GRID2: variants seen among roughly 807,000 people sequenced by gnomAD.
GRID2 encodes glutamate ionotropic receptor delta type subunit 2, also known as glutamate receptor ionotropic, delta-2.
A neutral mutation model predicts 114.8 loss-of-function variants in GRID2; 33 were observed. The observed-to-expected ratio is 0.29, with a 90% CI of 0.22 to 0.38. The LOEUF is 0.38. GRID2 is among the 10% of genes least tolerant of loss of function. GRID2 has a pLI of 1.00. For synonymous variants in GRID2, 505 were observed against 449.9 expected (o/e 1.12, Z -1.55); for missense variants, 1,184 against 1,257.7 (o/e 0.94, Z 0.89).
chr4:93,341,388 A>G lies in GRID2; in HGVS notation c.1246-54219A>G, dbSNP rs990374912. Among the ~76,000 whole-genome samples, 3 of 151,846 alleles carry G rather than the reference A, an allele frequency of 2.0e-5. No individual in the cohort carries two copies. The East Asian group carries it at 5.8e-4, about 30-fold the overall frequency. On this transcript the variant is annotated intron_variant, in intron 8 of 15. Coordinates refer to ENST00000282020, the MANE Select transcript of GRID2 (RefSeq NM_001510.4). ...CACCCAGGCTGGAGCGCAGTGGTGC[A>G]ATTTTGGCTCCCTGCAACCTCCACC...
chr4:93,075,883 CTTTTTTTTTTTTTTT>C (rs10706922), intron 2 of GRID2, among the ~76,000 whole-genome samples: 64 of 76,596 alleles, frequency 8.4e-4, no homozygotes, highest in African/African-American at 2.6e-3. Flanking sequence ...AGTTACCTCT[CTTTTTTTTTTTTTTT>C]TTTTTTTTTT....
chr4:93,178,360 A>G (rs1215263993), intron 4 of GRID2, among the ~76,000 whole-genome samples: 1 of 59,530 alleles, frequency 1.7e-5, no homozygotes, highest in Non-Finnish European at 3.9e-5. Flanking sequence ...TAGTGCTTAT[A>G]TTGTTTTCCT....
At chr4:92,956,876 T>G (rs1752443544) in intron 2 of GRID2, among the ~76,000 whole-genome samples, 1 of 152,180 alleles carries the variant, frequency 6.6e-6, no homozygotes, top group Non-Finnish European at 1.5e-5. Flanking sequence ...ATCTAATTGT[T>G]GTTTTAATTT....
At chr4:92,750,808 A>G (rs1365238902) in intron 2 of GRID2, among the ~76,000 whole-genome samples, 1 of 152,238 alleles carries the variant, frequency 6.6e-6, no homozygotes, top group African/African-American at 2.4e-5. Context: ...AATAGCAGCA[A>G]TAATTTACAC....
chr4:92,720,733 T>A (rs1022645066), intron 2 of GRID2, among the ~76,000 whole-genome samples: 6 of 152,030 alleles, frequency 3.9e-5, no homozygotes, highest in Non-Finnish European at 8.8e-5. Flanking sequence ...ATGTACTACT[T>A]TTTTCAGAAC....
chr4:93,037,932 GT>G (rs1725078731), intron 2 of GRID2, among the ~76,000 whole-genome samples: 1 of 151,940 alleles, frequency 6.6e-6, no homozygotes, highest in Non-Finnish European at 1.5e-5. Flanking sequence ...CTCTTTTTTG[GT>G]TCCATATGAA....
intron 8 of GRID2, among the ~76,000 whole-genome samples, chr4:93,364,798 G>C (rs1485009): frequency 6.6e-6 from 1 of 152,004 alleles, no homozygotes. Context: ...AAAATCTTAA[G>C]GCCTTAGATT....
intron 2 of GRID2, among the ~76,000 whole-genome samples, chr4:92,927,751 G>T (rs956003960): frequency 1.3e-5 from 2 of 151,700 alleles, no homozygotes; most frequent in Admixed American, 6.6e-5. Flanking sequence ...TTTTAATGTT[G>T]CAGATTCTTA....
At chr4:92,636,524 G>A (rs775724432) in intron 2 of GRID2, among the ~76,000 whole-genome samples, 1 of 152,018 alleles carries the variant, frequency 6.6e-6, no homozygotes, top group Non-Finnish European at 1.5e-5. Context: ...ATCACTTGGT[G>A]ATACATTTCA....
At chr4:92,629,077 A>G (rs1730663507) in intron 2 of GRID2, among the ~76,000 whole-genome samples, 1 of 152,022 alleles carries the variant, frequency 6.6e-6, no homozygotes, top group Non-Finnish European at 1.5e-5. Context: ...TACAGTTAAT[A>G]GTGAAAAAAC....
intron 4 of GRID2, among the ~76,000 whole-genome samples, chr4:93,139,758 A>ACACACACATT (rs1735590152): frequency 1.3e-5 from 2 of 151,772 alleles, no homozygotes; most frequent in Admixed American, 1.3e-4. Flanking sequence ...ACACACACAC[A>ACACACACATT]CACACATTCA....
chr4:93,195,503 C>T (rs1488554169), intron 4 of GRID2, among the ~76,000 whole-genome samples: 1 of 152,100 alleles, frequency 6.6e-6, no homozygotes, highest in African/African-American at 2.4e-5. Flanking sequence ...TAACATATGC[C>T]ATATTCCAGG....
chr4:92,891,976 A>G (rs1405757318), intron 2 of GRID2, among the ~76,000 whole-genome samples: 1 of 152,210 alleles, frequency 6.6e-6, no homozygotes, highest in Non-Finnish European at 1.5e-5. Flanking sequence ...TGCCTCTTAT[A>G]ATGTATTTTG....
chr4:93,515,958 G>GA (rs1729681187), intron 13 of GRID2, among the ~76,000 whole-genome samples: 1 of 152,084 alleles, frequency 6.6e-6, no homozygotes, highest in Non-Finnish European at 1.5e-5. Context: ...AAAAGGCATA[G>GA]AAAGACTGTT....
intron 8 of GRID2, among the ~76,000 whole-genome samples, chr4:93,297,374 T>C (rs1310977296): frequency 6.6e-6 from 1 of 152,242 alleles, no homozygotes; most frequent in Non-Finnish European, 1.5e-5. Context: ...TTAACTGGCA[T>C]ATATATATGA....
At chr4:93,005,374 G>C (rs1721408213) in intron 2 of GRID2, among the ~76,000 whole-genome samples, 1 of 152,042 alleles carries the variant, frequency 6.6e-6, no homozygotes, top group Admixed American at 6.6e-5. Context: ...ACTTTCCACT[G>C]TGAATCCTGC....
intron 2 of GRID2, among the ~76,000 whole-genome samples, chr4:92,900,749 G>A (rs1747509176): frequency 6.7e-6 from 1 of 149,286 alleles, no homozygotes; most frequent in Non-Finnish European, 1.5e-5. Context: ...CAGGAGAATG[G>A]CATGAACCTG....
chr4:93,625,498 A>G (rs1742620210), intron 13 of GRID2, among the ~76,000 whole-genome samples: 1 of 152,272 alleles, frequency 6.6e-6, no homozygotes, highest in Non-Finnish European at 1.5e-5. Flanking sequence ...ATAAAAGCTT[A>G]CTTAGAAATA....
At chr4:93,125,622 A>G (rs1314906848) in intron 4 of GRID2, among the ~76,000 whole-genome samples, 2 of 152,166 alleles carry the variant, frequency 1.3e-5, no homozygotes, top group Non-Finnish European at 2.9e-5. Context: ...TATTGTGTAG[A>G]AATTACTTTT....
Sources: gnomAD v4.1 joint callset for allele counts (sites outside exome capture counted in the v4.1 genomes callset) on GRCh38, gnomAD v4.1.1 for gene constraint, MANE v1.5 for transcripts, NCBI Gene and HGNC (gene_info 2026-07-23, HGNC 2026-07-21) for gene names.